Variants in CPD observed in about 807,000 individuals in gnomAD.
CPD encodes the protein metallocarboxypeptidase D.
Under a neutral mutation model 138.3 loss-of-function variants are expected in CPD, and 69 were observed. That is an observed-to-expected ratio of 0.50 (90% CI 0.41 to 0.61). The LOEUF is 0.61. Among genes scored for constraint, CPD ranks in the 20% least tolerant of loss-of-function variants. The pLI is 0.00. For synonymous variants in CPD, 651 were observed against 642.1 expected (o/e 1.01, Z -0.21); for missense variants, 1,432 against 1,733.3 (o/e 0.83, Z 3.09).
chr17:30,393,302 A>G (rs1034711909), intron 2 of CPD, among the ~76,000 whole-genome samples: 4 of 152,220 alleles, frequency 2.6e-5, no homozygotes, highest in African/African-American at 7.2e-5. Context: ...AAGGAAGAGC[A>G]TGGGGAAAAT....
At chr17:30,424,861 C>G (rs1912361473) in intron 6 of CPD, among the ~76,000 whole-genome samples, 1 of 152,176 alleles carries the variant, frequency 6.6e-6, no homozygotes, top group African/African-American at 2.4e-5. Context: ...AGCCTCATGA[C>G]TTATTACTAG....
chr17:30,384,857 CT>C, intron 1 of CPD, 131 bp from the exon 2 acceptor site: 1 of 916,586 alleles, frequency 1.1e-6, no homozygotes. Flanking sequence ...CAGATAACAG[CT>C]GATAGAGTTG....
chr17:30,392,305 C>T (rs888916698), intron 2 of CPD, among the ~76,000 whole-genome samples: 13 of 152,044 alleles, frequency 8.6e-5, no homozygotes, highest in African/African-American at 1.9e-4. Context: ...CCACTGCGCC[C>T]GGCCTAAAAT....
chr17:30,423,073 T>C (rs775114836), intron 5 of CPD, 50 bp downstream of exon 5: 4 of 1,332,862 alleles, frequency 3.0e-6, no homozygotes, highest in East Asian at 2.3e-5. Context: ...CTCAAAGCCA[T>C]GTTCAATATT....
chr17:30,449,819 TA>T (rs1567882221), intron 13 of CPD, 71 bp downstream of exon 13: 1 of 1,357,032 alleles, frequency 7.4e-7, no homozygotes, highest in Non-Finnish European at 9.9e-7. Context: ...GCACCATTTT[TA>T]AAATTTTTAA....
intron 1 of CPD, among the ~76,000 whole-genome samples, chr17:30,383,914 A>G (rs1269713963): frequency 6.6e-6 from 1 of 152,204 alleles, no homozygotes; most frequent in Non-Finnish European, 1.5e-5. Context: ...AAAGATGCTT[A>G]AATAGGACTT....
chr17:30,385,646 C>T (rs987898385), intron 2 of CPD, among the ~76,000 whole-genome samples: 1 of 151,920 alleles, frequency 6.6e-6, no homozygotes. Context: ...TCCTGTTTAA[C>T]TATATACTAT....
chr17:30,432,018 A>T, intron 8 of CPD, 137 bp downstream of exon 8: 1 of 615,088 alleles, frequency 1.6e-6, no homozygotes, highest in Admixed American at 3.2e-5. Flanking sequence ...TCCGAAAAAT[A>T]GCTTTTTCTC....
intron 7 of CPD, among the ~76,000 whole-genome samples, chr17:30,427,905 CCTT>C (rs1338425505): frequency 1.3e-5 from 2 of 151,418 alleles, no homozygotes; most frequent in African/African-American, 4.9e-5. Flanking sequence ...CCTCTCCTCT[CCTT>C]CTCCCCCGCC....
chr17:30,450,209 A>G (rs1051561723), intron 13 of CPD: 6 of 149,606 alleles, frequency 4.0e-5, no homozygotes, highest in African/African-American at 1.3e-4. Flanking sequence ...GATGCCCACC[A>G]CCATGCCCGG....
chr17:30,449,129 TATAAATAA>T (rs140528779), intron 12 of CPD, among the ~76,000 whole-genome samples: 6,338 of 151,630 alleles, frequency 0.042, 211 homozygotes, highest in Non-Finnish European at 0.061. Context: ...ATGACAATAA[TATAAATAA>T]ATAAATAAAT....
chr17:30,382,956 G>A lies in CPD; in HGVS notation c.747-2033G>A, dbSNP rs144852140. On this transcript the variant is annotated intron_variant, in intron 1 of 20. Coordinates refer to ENST00000225719, the MANE Select transcript of CPD (RefSeq NM_001304.5). ...TGACACTCAAGAAATGTTTGTTGCC[G>A]AATGGATTACCTGACCTGCCCCAGC... Among the ~76,000 whole-genome samples, 384 of 152,276 alleles carry A rather than the reference G, an allele frequency of 2.5e-3. 1 individual carries two copies. Among genetic ancestry groups the A allele is most frequent in the African/African-American group, 8.7e-3 (360 of 41,552 alleles).
rs552642247 is a variant in CPD at position 30,445,322 on chromosome 17, A to G, written c.2544-369A>G. On this transcript the variant is annotated intron_variant, in intron 11 of 20. Transcript: ENST00000225719. ...TCTACTAAAAATACAAAAATTATCC[A>G]GGCATGGTGGTGGGCACCTGCAATC... 3.9e-5 allele frequency among the ~76,000 whole-genome samples: 6 copies of G among 152,112 alleles called. No homozygotes were observed. The South Asian group carries it at 1.2e-3, about 32-fold the overall frequency.
At chr17:30,433,223 C>T (rs1912607201) in intron 8 of CPD, among the ~76,000 whole-genome samples, 1 of 152,080 alleles carries the variant, frequency 6.6e-6, no homozygotes. Context: ...TCTGTTTGGA[C>T]ATATATGTTT....
chr17:30,462,566 A>G, intron 20 of CPD, 97 bp downstream of exon 20: 1 of 775,336 alleles, frequency 1.3e-6, no homozygotes, highest in South Asian at 1.6e-5. Context: ...CCTGAAACTA[A>G]TCACTTGTCT....
intron 2 of CPD, among the ~76,000 whole-genome samples, chr17:30,420,199 C>T (rs918715999): frequency 3.3e-5 from 5 of 152,146 alleles, no homozygotes; most frequent in East Asian, 1.9e-4. Context: ...TTCCATCTTC[C>T]GTTTAACACA....
intron 9 of CPD, among the ~76,000 whole-genome samples, chr17:30,439,286 G>C (rs549200962): frequency 7.3e-5 from 11 of 150,998 alleles, no homozygotes; most frequent in African/African-American, 2.7e-4. Flanking sequence ...ACTAAAACTT[G>C]ATTAAATGGT....
In CPD at chr17:30,379,735, T is replaced by C; in HGVS notation, c.746+9T>C. ...TGGATCCGCAGGAACAAGTGAGTGT[T>C]GCCTGCCCCCTCCCCGTCCGTGTGA... On this transcript the variant is annotated intron_variant, in intron 1 of 20. Coordinates refer to ENST00000225719, the MANE Select transcript of CPD (RefSeq NM_001304.5). This position sits in a 1 kb window ranked among gnomAD's most constrained non-coding sequence, Gnocchi z 7.0. 6.9e-7 allele frequency: 1 copy of C among 1,453,564 alleles called. No individual in the cohort carries two copies. The highest frequency in any genetic ancestry group is 1.4e-5 in the South Asian group (1 of 70,172). 90.0% of individuals were successfully genotyped at this position (1,453,564 alleles called of 1,614,324 possible).
intron 2 of CPD, among the ~76,000 whole-genome samples, chr17:30,416,699 C>T (rs771170309): frequency 2.6e-5 from 4 of 152,252 alleles, no homozygotes; most frequent in Non-Finnish European, 5.9e-5. Context: ...ACCAGGCTAG[C>T]TGCATCTTGT....
Sources: allele counts gnomAD v4.1 joint callset (sites outside exome capture counted in the v4.1 genomes callset), GRCh38; gene constraint gnomAD v4.1.1; non-coding constraint Gnocchi (gnomAD v3.1); transcripts MANE v1.5; gene names NCBI Gene and HGNC (gene_info 2026-07-23, HGNC 2026-07-21).